Variants in ESRRB observed in about 807,000 individuals in gnomAD.
ESRRB encodes the protein estrogen related receptor beta, also known as steroid hormone receptor ERR2.
Under a neutral mutation model 46.0 loss-of-function variants are expected in ESRRB, and 16 were observed. That is an observed-to-expected ratio of 0.35 (90% CI 0.24 to 0.53). The LOEUF (loss-of-function observed/expected upper bound fraction) is 0.53, where lower values mean the gene tolerates loss of function less well. Among genes scored for constraint, ESRRB ranks in the 20% least tolerant of loss-of-function variants. ESRRB has a pLI of 0.93. For synonymous variants in ESRRB, 246 were observed against 259.6 expected (o/e 0.95, Z 0.50); for missense variants, 488 against 607.4 (o/e 0.80, Z 2.07).
chr14:76,474,790 C>T (rs1889507166), intron 3 of ESRRB, among the ~76,000 whole-genome samples: 1 of 151,904 alleles, frequency 6.6e-6, no homozygotes. Context: ...GCACTCTAGC[C>T]TGGGTGACAA....
chr14:76,416,657 T>C (rs947286462), intron 1 of ESRRB, among the ~76,000 whole-genome samples: 2 of 151,912 alleles, frequency 1.3e-5, no homozygotes, highest in African/African-American at 2.4e-5. Context: ...TTAGTAGAGA[T>C]GGTGTTTCAC....
chr14:76,317,310 C>CTGTGTGTGTGTGTG (rs4024313), intron 1 of ESRRB, among the ~76,000 whole-genome samples: 16 of 134,526 alleles, frequency 1.2e-4, no homozygotes, highest in African/African-American at 3.9e-4. Context: ...TGATTAGGCT[C>CTGTGTGTGTGTGTG]TGTGTGTGTG....
At chr14:76,430,791 G>T (rs1018808023) in intron 1 of ESRRB, among the ~76,000 whole-genome samples, 1 of 152,232 alleles carries the variant, frequency 6.6e-6, no homozygotes, top group Non-Finnish European at 1.5e-5. Flanking sequence ...CCAGCTGCTT[G>T]TTCCAGTTCT....
chr14:76,356,654 C>T (rs546404469), intron 1 of ESRRB, among the ~76,000 whole-genome samples: 1 of 152,218 alleles, frequency 6.6e-6, no homozygotes, highest in Non-Finnish European at 1.5e-5. Context: ...GACCTCCCCA[C>T]TCTGTGCTAA....
chr14:76,375,888 T>G (rs1884741932), upstream of ESRRB, among the ~76,000 whole-genome samples: 2 of 97,530 alleles, frequency 2.1e-5, no homozygotes, highest in African/African-American at 8.2e-5. Flanking sequence ...GGTTGGACAT[T>G]CCCCCCCACC....
chr14:76,332,176 G>T (rs1281893184), intron 1 of ESRRB, among the ~76,000 whole-genome samples: 1 of 151,802 alleles, frequency 6.6e-6, no homozygotes, highest in African/African-American at 2.4e-5. Flanking sequence ...TCCCTGCAGA[G>T]GTGACATGTA....
intron 6 of ESRRB, among the ~76,000 whole-genome samples, chr14:76,496,264 G>A (rs1890420921): frequency 6.6e-6 from 1 of 152,228 alleles, no homozygotes; most frequent in Non-Finnish European, 1.5e-5. Context: ...CATGAGCCTG[G>A]ATGTGGCAGA....
chr14:76,376,556 G>A lies in ESRRB; in HGVS notation c.50+105G>A, dbSNP rs1003579766. Reference sequence around the variant, plus strand: ...GCACATTCTTGTGTAAAAGTGGAAGGGACTTCGGGGGGGCACTTGGGGGAC... The same window carrying A: ...GCACATTCTTGTGTAAAAGTGGAAGAGACTTCGGGGGGGCACTTGGGGGAC... On this transcript the variant is annotated intron_variant, in intron 1 of 6. Transcript: ENST00000644823. This position sits in a 1 kb window ranked among gnomAD's most constrained non-coding sequence, Gnocchi z 4.1. 15 of 826,702 alleles carry A rather than the reference G, an allele frequency of 1.8e-5. No homozygotes were observed. In the East Asian group the frequency reaches 4.0e-4, roughly 22 times the overall value. 51.2% of individuals were successfully genotyped at this position (826,702 alleles called of 1,614,324 possible).
At chr14:76,378,982 T>C (rs960204859) in intron 1 of ESRRB, among the ~76,000 whole-genome samples, 2 of 152,104 alleles carry the variant, frequency 1.3e-5, no homozygotes, top group Non-Finnish European at 1.5e-5. Context: ...ATTCCCAGAC[T>C]TGAGAAAACC....
At chr14:76,384,733 C>A (rs1187791092) in intron 1 of ESRRB, among the ~76,000 whole-genome samples, 1 of 152,138 alleles carries the variant, frequency 6.6e-6, no homozygotes, top group Non-Finnish European at 1.5e-5. Context: ...GGTTTGCAGA[C>A]CAAAGGCACA....
chr14:76,499,714 C>A lies in ESRRB; in HGVS notation c.*1256C>A. The stretch of plus-strand genomic sequence containing the variant: ...CCCCTGGCTGTGCCAGGTAACCAAC[C>A]GTCTTGGTTTGTCCAGGACGTTTCT... On this transcript the variant is annotated 3_prime_UTR_variant, in exon 7 of 7. Transcript: ENST00000644823. 2.7e-6 allele frequency: 2 copies of A among 743,264 alleles called. No individual in the cohort carries two copies. The highest frequency in any genetic ancestry group is 2.4e-6 in the Non-Finnish European group (1 of 417,112). 46.0% of individuals were successfully genotyped at this position (743,264 alleles called of 1,614,324 possible). A position where few individuals can be genotyped will look rare whatever the true frequency, so the allele number is the denominator to read the frequency against.
chr14:76,488,971 C>T (rs1445583886), intron 5 of ESRRB, among the ~76,000 whole-genome samples: 1 of 152,150 alleles, frequency 6.6e-6, no homozygotes, highest in Non-Finnish European at 1.5e-5. Context: ...CCATTCTGTC[C>T]CCGGTGCCTA....
intron 1 of ESRRB, among the ~76,000 whole-genome samples, chr14:76,407,205 T>C (rs1165297763): frequency 6.6e-6 from 1 of 152,132 alleles, no homozygotes; most frequent in Non-Finnish European, 1.5e-5. Context: ...AGTCAGTCGG[T>C]TGGGGGCAGA....
At chr14:76,450,245 CA>C (rs1595130734) in intron 2 of ESRRB, among the ~76,000 whole-genome samples, 2 of 152,140 alleles carry the variant, frequency 1.3e-5, no homozygotes, top group East Asian at 3.9e-4. Flanking sequence ...ACCAGCGTTC[CA>C]GGCAGAGGAA....
At chr14:76,349,818 A>G (rs1884292927) in intron 1 of ESRRB, among the ~76,000 whole-genome samples, 1 of 152,154 alleles carries the variant, frequency 6.6e-6, no homozygotes, top group Admixed American at 6.5e-5. Context: ...TGAATAGAGA[A>G]GGGAAAAAGG....
intron 1 of ESRRB, among the ~76,000 whole-genome samples, chr14:76,389,004 G>A (rs369833386): frequency 5.9e-5 from 9 of 152,206 alleles, no homozygotes; most frequent in African/African-American, 1.4e-4. Context: ...CTCTAAACCT[G>A]CTTATCCTCA....
intron 1 of ESRRB, among the ~76,000 whole-genome samples, chr14:76,377,333 C>T (rs1322493358): frequency 6.6e-6 from 1 of 152,162 alleles, no homozygotes. Flanking sequence ...TGTCCGGGCT[C>T]TCGGGGATCC....
intron 5 of ESRRB, among the ~76,000 whole-genome samples, chr14:76,490,651 G>A (rs1170206150): frequency 1.3e-5 from 2 of 152,206 alleles, no homozygotes; most frequent in East Asian, 3.8e-4. Flanking sequence ...GCAAGACAGT[G>A]TCACAGTTCT....
At chr14:76,322,951 T>A (rs1883885436) in intron 1 of ESRRB, among the ~76,000 whole-genome samples, 3 of 152,224 alleles carry the variant, frequency 2.0e-5, no homozygotes, top group Non-Finnish European at 4.4e-5. Context: ...ATCCTCTATC[T>A]GCCCGTGACC....
Sources: gnomAD v4.1 joint callset for allele counts (sites outside exome capture counted in the v4.1 genomes callset) on GRCh38, gnomAD v4.1.1 for gene constraint, Gnocchi (gnomAD v3.1) non-coding constraint, MANE v1.5 for transcripts, NCBI Gene and HGNC (gene_info 2026-07-23, HGNC 2026-07-21) for gene names.